Variants in ARHGAP44 observed in about 807,000 individuals in gnomAD.
ARHGAP44 encodes the protein rho GTPase-activating protein 44.
Under a neutral mutation model 106.8 loss-of-function variants are expected in ARHGAP44, and 43 were observed. The ratio of observed to expected loss-of-function variants is 0.40; its 90% CI spans 0.32 to 0.52. The LOEUF is 0.52. Among genes scored for constraint, ARHGAP44 ranks in the 20% least tolerant of loss-of-function variants. The pLI, the probability that ARHGAP44 is intolerant of heterozygous loss-of-function variation, is 0.48. For synonymous variants in ARHGAP44, 439 were observed against 410.3 expected (o/e 1.07, Z -0.85); for missense variants, 866 against 1,050.5 (o/e 0.82, Z 2.43).
chr17:12,927,759 C>T (rs564261745), intron 6 of ARHGAP44, among the ~76,000 whole-genome samples: 22 of 152,166 alleles, frequency 1.4e-4, no homozygotes, highest in Non-Finnish European at 3.1e-4. Flanking sequence ...TCCCCCTGCT[C>T]CCGCCTGACT....
intron 12 of ARHGAP44, among the ~76,000 whole-genome samples, chr17:12,950,455 A>G (rs922664347): frequency 1.3e-5 from 2 of 152,308 alleles, no homozygotes; most frequent in South Asian, 4.1e-4. Context: ...GTACAGCTGC[A>G]TGGAGCAGGC....
chr17:12,812,894 T>TA (rs1272358056), intron 1 of ARHGAP44, among the ~76,000 whole-genome samples: 2 of 152,178 alleles, frequency 1.3e-5, no homozygotes, highest in Non-Finnish European at 2.9e-5. Context: ...CTTAACAACT[T>TA]AAAAAATCAC....
intron 1 of ARHGAP44, among the ~76,000 whole-genome samples, chr17:12,872,341 A>G (rs954259588): frequency 1.3e-5 from 2 of 152,152 alleles, no homozygotes; most frequent in Admixed American, 1.3e-4. Context: ...AGCCTCCTGC[A>G]GGTCTGACAT....
intron 1 of ARHGAP44, among the ~76,000 whole-genome samples, chr17:12,796,097 G>A (rs2033909681): frequency 1.3e-5 from 2 of 151,744 alleles, no homozygotes; most frequent in African/African-American, 4.8e-5. Context: ...AGAGACCATA[G>A]TTAATATTTT....
chr17:12,977,670 C>G (rs1280198947), intron 18 of ARHGAP44, among the ~76,000 whole-genome samples: 1 of 152,162 alleles, frequency 6.6e-6, no homozygotes, highest in Non-Finnish European at 1.5e-5. Context: ...CCCACCTCTC[C>G]CCACTGGGTC....
chr17:12,875,688 A>G (rs929194652), intron 1 of ARHGAP44, among the ~76,000 whole-genome samples: 4 of 152,218 alleles, frequency 2.6e-5, no homozygotes, highest in Non-Finnish European at 5.9e-5. Flanking sequence ...TCACGCCTGT[A>G]ATCCCAGCAC....
chr17:12,858,912 G>A (rs1456936857), intron 1 of ARHGAP44, among the ~76,000 whole-genome samples: 1 of 152,174 alleles, frequency 6.6e-6, no homozygotes, highest in Admixed American at 6.5e-5. Flanking sequence ...TGAGAGCCAA[G>A]TGAAAGGGGA....
At chr17:12,967,989 C>T (rs1432521410) in intron 16 of ARHGAP44, among the ~76,000 whole-genome samples, 1 of 152,156 alleles carries the variant, frequency 6.6e-6, no homozygotes, top group African/African-American at 2.4e-5. Context: ...TCTTCATATG[C>T]AAAATGGGGA....
At chr17:12,869,543 T>C (rs149779103) in intron 1 of ARHGAP44, among the ~76,000 whole-genome samples, 199 of 152,306 alleles carry the variant, frequency 1.3e-3, no homozygotes, top group Non-Finnish European at 2.5e-3. Context: ...GTTTACATTG[T>C]TGTGCAGCCA....
At chr17:12,942,418 T>C (rs982313259) in intron 8 of ARHGAP44, among the ~76,000 whole-genome samples, 1 of 152,208 alleles carries the variant, frequency 6.6e-6, no homozygotes, top group African/African-American at 2.4e-5. Flanking sequence ...AGTGCTGGGA[T>C]TATAGGCGTG....
At chr17:12,803,172 G>A (rs2034171869) in intron 1 of ARHGAP44, among the ~76,000 whole-genome samples, 1 of 151,120 alleles carries the variant, frequency 6.6e-6, no homozygotes, top group Non-Finnish European at 1.5e-5. Flanking sequence ...GGATTTCACT[G>A]TGTTGGCCAG....
At chr17:12,894,057 T>A (rs1305050343) in intron 1 of ARHGAP44, among the ~76,000 whole-genome samples, 3 of 152,230 alleles carry the variant, frequency 2.0e-5, no homozygotes, top group Admixed American at 6.5e-5. Context: ...TACTGCTTAT[T>A]TTTTAATATA....
intron 1 of ARHGAP44, among the ~76,000 whole-genome samples, chr17:12,838,320 G>A (rs899773382): frequency 2.0e-5 from 3 of 152,144 alleles, no homozygotes; most frequent in Non-Finnish European, 2.9e-5. Flanking sequence ...TGTTAAAAAT[G>A]CCTATGTTTG....
intron 1 of ARHGAP44, among the ~76,000 whole-genome samples, chr17:12,835,915 C>T (rs1183224820): frequency 6.6e-6 from 1 of 152,098 alleles, no homozygotes; most frequent in Non-Finnish European, 1.5e-5. Flanking sequence ...TTGTGTCTGG[C>T]GTATCATTTC....
In ARHGAP44 at chr17:12,953,215, T is replaced by C. The variant is rs568096501; in HGVS notation, c.1136+634T>C. On this transcript the variant is annotated intron_variant, in intron 13 of 20. Coordinates refer to ENST00000379672, the MANE Select transcript of ARHGAP44 (RefSeq NM_014859.6). ...CCCCATTCCCGAGCCCTAGCTGTGTTCCACGTCTGCCTCTCGCTTTTCTTG... is the reference window on the plus strand; with the variant it reads ...CCCCATTCCCGAGCCCTAGCTGTGTCCCACGTCTGCCTCTCGCTTTTCTTG... Among the ~76,000 whole-genome samples, 6 of 152,244 alleles carry C rather than the reference T, an allele frequency of 3.9e-5. No individual in the cohort carries two copies. The South Asian group carries it at 1.2e-3, about 32-fold the overall frequency.
intron 1 of ARHGAP44, among the ~76,000 whole-genome samples, chr17:12,857,707 G>A (rs895404432): frequency 5.9e-5 from 9 of 152,106 alleles, no homozygotes; most frequent in African/African-American, 1.4e-4. Context: ...ACTAGTGACC[G>A]TATTTTCCAT....
At chr17:12,972,983 T>TA in intron 16 of ARHGAP44, 2 of 292,750 alleles carry the variant, frequency 6.8e-6, no homozygotes, top group Non-Finnish European at 6.3e-6. Context: ...AATGTTTTTT[T>TA]AAAAAAAGAA....
At chr17:12,880,192 ATTAT>A (rs1409378193) in intron 1 of ARHGAP44, among the ~76,000 whole-genome samples, 1 of 152,072 alleles carries the variant, frequency 6.6e-6, no homozygotes, top group Non-Finnish European at 1.5e-5. Context: ...TAATTTTCAT[ATTAT>A]TTATTTGATG....
chr17:12,917,740 C>T (rs1049782727), intron 5 of ARHGAP44, among the ~76,000 whole-genome samples: 21 of 152,302 alleles, frequency 1.4e-4, no homozygotes, highest in African/African-American at 4.3e-4. Flanking sequence ...CAATCTGTGC[C>T]GTTTGATAGC....
Sources: gnomAD v4.1 joint callset for allele counts (sites outside exome capture counted in the v4.1 genomes callset) on GRCh38, gnomAD v4.1.1 for gene constraint, MANE v1.5 for transcripts, NCBI Gene and HGNC (gene_info 2026-07-23, HGNC 2026-07-21) for gene names.